Variants in CHRM3 observed in about 807,000 individuals in gnomAD.
The protein encoded by CHRM3 is muscarinic acetylcholine receptor M3.
CHRM3 carries 11 observed loss-of-function variants against 41.8 expected under a neutral mutation model. The observed-to-expected ratio is 0.26, with a 90% confidence interval of 0.17 to 0.44. CHRM3 has a LOEUF of 0.44. Ranked by LOEUF, CHRM3 falls within the 20% of genes least tolerant of loss-of-function variation. CHRM3 has a pLI of 1.00. For synonymous variants in CHRM3, 297 were observed against 301.4 expected, an observed-to-expected ratio of 0.99 and a Z score of 0.15; for missense variants, 571 against 745.4, an observed-to-expected ratio of 0.77 and a Z score of 2.72.
At chr1:239,879,950 G>A (rs540004717) in intron 6 of CHRM3, among the ~76,000 whole-genome samples, 11 of 152,306 alleles carry the variant, frequency 7.2e-5, no homozygotes, top group African/African-American at 2.6e-4. Context: ...ATATTCCAGT[G>A]AGTTTGTTAC....
At chr1:239,398,567 C>T (rs910092507) in intron 1 of CHRM3, among the ~76,000 whole-genome samples, 2 of 152,110 alleles carry the variant, frequency 1.3e-5, no homozygotes, top group Non-Finnish European at 2.9e-5. Flanking sequence ...CATCTTCTAT[C>T]AAACCCCTGA....
At chr1:239,707,743 A>C (rs772441262) in intron 5 of CHRM3, 1 of 152,146 alleles carries the variant, frequency 6.6e-6, no homozygotes, top group Non-Finnish European at 1.5e-5. Context: ...GTTTGTCAGC[A>C]ATTATTCTGT....
intron 4 of CHRM3, among the ~76,000 whole-genome samples, chr1:239,671,291 G>C (rs181091891): frequency 6.6e-6 from 1 of 152,240 alleles, no homozygotes; most frequent in East Asian, 1.9e-4. Flanking sequence ...AAAATAAAAA[G>C]CCCAGGCTGG....
chr1:239,615,792 G>A (rs1667565786), intron 3 of CHRM3, among the ~76,000 whole-genome samples: 1 of 152,146 alleles, frequency 6.6e-6, no homozygotes, highest in African/African-American at 2.4e-5. Context: ...GGACCCAAAA[G>A]GAGGGCAGTC....
intron 2 of CHRM3, among the ~76,000 whole-genome samples, chr1:239,540,339 G>A (rs1195125627): frequency 1.3e-5 from 2 of 152,162 alleles, no homozygotes; most frequent in Admixed American, 1.3e-4. Flanking sequence ...TCTATTTTAA[G>A]TGAAGTAAGT....
At chr1:239,755,539 A>G (rs1434987285) in intron 5 of CHRM3, among the ~76,000 whole-genome samples, 1 of 152,222 alleles carries the variant, frequency 6.6e-6, no homozygotes, top group Non-Finnish European at 1.5e-5. Context: ...TATTTAGTTC[A>G]GATTGACCAC....
chr1:239,528,428 G>A (rs116416448), intron 2 of CHRM3, among the ~76,000 whole-genome samples: 46 of 152,298 alleles, frequency 3.0e-4, no homozygotes, highest in Middle Eastern at 3.4e-3. Context: ...GTTTGAAAGT[G>A]CAGGGCATGA....
At chr1:239,859,860 A>G (rs1675490520) in intron 6 of CHRM3, among the ~76,000 whole-genome samples, 1 of 108,438 alleles carries the variant, frequency 9.2e-6, no homozygotes, top group Admixed American at 1.0e-4. Flanking sequence ...TAGTCATTTA[A>G]TCTCAAAATA....
At chr1:239,693,597 A>G (rs1040179679) in intron 5 of CHRM3, among the ~76,000 whole-genome samples, 12 of 152,150 alleles carry the variant, frequency 7.9e-5, no homozygotes, top group African/African-American at 1.9e-4. Context: ...TCATAATTAT[A>G]TTATTTTTGA....
At chr1:239,707,117 G>T (rs1661268198) in intron 5 of CHRM3, 1 of 152,102 alleles carries the variant, frequency 6.6e-6, no homozygotes, top group Non-Finnish European at 1.5e-5. Context: ...ACAGACTTTG[G>T]TTAACATCTA....
At chr1:239,875,419 T>C (rs1440943562) in intron 6 of CHRM3, among the ~76,000 whole-genome samples, 1 of 152,244 alleles carries the variant, frequency 6.6e-6, no homozygotes, top group African/African-American at 2.4e-5. Flanking sequence ...CAGTAAACTT[T>C]ATGTGTATGG....
intron 5 of CHRM3, among the ~76,000 whole-genome samples, chr1:239,806,615 G>A (rs1670674249): frequency 6.6e-6 from 1 of 152,342 alleles, no homozygotes. Flanking sequence ...GTGTGGGGAT[G>A]AGCCATACAG....
chr1:239,829,538 T>C (rs1449595789), intron 6 of CHRM3, among the ~76,000 whole-genome samples: 1 of 152,184 alleles, frequency 6.6e-6, no homozygotes, highest in African/African-American at 2.4e-5. Flanking sequence ...TTACTTTCTA[T>C]ACCAAAAAAG....
At chr1:239,688,504 A>C (rs1051645011) in intron 5 of CHRM3, among the ~76,000 whole-genome samples, 1 of 140,342 alleles carries the variant, frequency 7.1e-6, no homozygotes, top group African/African-American at 2.6e-5. Context: ...TATATATTAT[A>C]TATGTTTAAT....
intron 6 of CHRM3, among the ~76,000 whole-genome samples, chr1:239,888,947 C>T (rs138553866): frequency 2.1e-4 from 32 of 152,288 alleles, no homozygotes; most frequent in Admixed American, 9.2e-4. Context: ...ACGTTGTCAT[C>T]TCCATAGTGG....
Position 239,542,512 on chromosome 1 carries a change from G to A in CHRM3, c.-421-3129G>A, listed in dbSNP as rs1015863197. Among the ~76,000 whole-genome samples the A allele has an allele frequency of 1.3e-4, 20 of 152,230 alleles. No individual in the cohort carries two copies. The South Asian group carries it at 1.7e-3, about 13-fold the overall frequency. On this transcript the variant is annotated intron_variant, in intron 2 of 6. Coordinates refer to ENST00000676153, the MANE Select transcript of CHRM3 (RefSeq NM_001375978.1). Reference sequence around the variant, plus strand: ...AAGCTGGGCAGTTAGTAAATCTTGCGTACCTCCCATGCGACAGGCAGTATT... The same window carrying A: ...AAGCTGGGCAGTTAGTAAATCTTGCATACCTCCCATGCGACAGGCAGTATT...
intron 6 of CHRM3, among the ~76,000 whole-genome samples, chr1:239,866,983 G>T (rs1029917344): frequency 5.3e-5 from 8 of 152,144 alleles, no homozygotes; most frequent in Admixed American, 5.2e-4. Context: ...TAACAGCCAG[G>T]CTAGTGCGTG....
At chr1:239,737,701 G>A (rs181359853) in intron 5 of CHRM3, among the ~76,000 whole-genome samples, 169 of 152,254 alleles carry the variant, frequency 1.1e-3, no homozygotes, top group Non-Finnish European at 2.1e-3. Flanking sequence ...GGCATTGTTT[G>A]TAATGTTATG....
At chr1:239,732,168 C>T (rs1303800865) in intron 5 of CHRM3, among the ~76,000 whole-genome samples, 4 of 151,944 alleles carry the variant, frequency 2.6e-5, no homozygotes, top group Non-Finnish European at 5.9e-5. Flanking sequence ...AAACACATAA[C>T]ATTTAGATAA....
Sources: allele counts gnomAD v4.1 joint callset (sites outside exome capture counted in the v4.1 genomes callset), GRCh38; gene constraint gnomAD v4.1.1; transcripts MANE v1.5; gene names NCBI Gene and HGNC (gene_info 2026-07-23, HGNC 2026-07-21).